Variants in KIF6 observed in about 807,000 individuals in gnomAD.
KIF6 encodes kinesin-like protein KIF6.
A neutral mutation model predicts 112.7 loss-of-function variants in KIF6; 106 were observed. The ratio of observed to expected loss-of-function variants is 0.94; its 90% CI spans 0.80 to 1.11. KIF6 has a LOEUF of 1.11. Among genes scored for constraint, KIF6 ranks in the 50% least tolerant of loss-of-function variants. The probability of loss-of-function intolerance (pLI) is 0.00; values close to 1 mark genes in which losing one functional copy is unlikely to be tolerated. For synonymous variants in KIF6, 339 were observed against 339.9 expected, an observed-to-expected ratio of 1.00 and a Z score of 0.03; for missense variants, 929 against 964.0, an observed-to-expected ratio of 0.96 and a Z score of 0.48.
chr6:39,574,720 T>A (rs59271414), intron 10 of KIF6, among the ~76,000 whole-genome samples: 1 of 152,314 alleles, frequency 6.6e-6, no homozygotes, highest in African/African-American at 2.4e-5. Flanking sequence ...ATATTATTTC[T>A]TAACTATTGG....
At chr6:39,651,433 G>T (rs193220330) in intron 3 of KIF6, among the ~76,000 whole-genome samples, 1 of 152,168 alleles carries the variant, frequency 6.6e-6, no homozygotes, top group Non-Finnish European at 1.5e-5. Context: ...GGTGGCTGCC[G>T]TCAGTGTGGT....
In KIF6 at chr6:39,586,408, T is replaced by C; in HGVS notation, c.847-4A>G. The C allele has an allele frequency of 2.5e-6, 4 of 1,613,308 alleles. No individual in the cohort carries two copies. The highest frequency in any genetic ancestry group is 1.1e-5 in the South Asian group (1 of 90,958). ...TTTCTGAAAGGGCAATGATAACCTG[T>C]GGTAAAGTAGAAAGATAATGGGATT... is the stretch of plus-strand genomic sequence containing the variant. On this transcript the variant is annotated splice_polypyrimidine_tract_variant and splice_region_variant and intron_variant, in intron 7 of 22. Transcript: ENST00000287152.
intron 3 of KIF6, among the ~76,000 whole-genome samples, chr6:39,701,699 T>C (rs532647005): frequency 6.6e-6 from 1 of 152,330 alleles, no homozygotes; most frequent in Admixed American, 6.5e-5. Flanking sequence ...AGGAGCTGGC[T>C]TTTTCTCTGA....
rs115746861 is a variant in KIF6 at position 39,342,336 on chromosome 6, C to T, written c.2428+1373G>A. Among the ~76,000 whole-genome samples the T allele has an allele frequency of 7.4e-3, 1,121 of 152,310 alleles. 12 individuals are homozygous for T. Among genetic ancestry groups the T allele is most frequent in the African/African-American group, 0.026 (1,081 of 41,562 alleles). On this transcript the variant is annotated intron_variant, in intron 22 of 22. Transcript: ENST00000287152. This position sits in a 1 kb window ranked among gnomAD's most constrained non-coding sequence, Gnocchi z 4.7. ...TAGCTATTTCATAGCACTTATTATC[C>T]CCTCAAACAATCTTACGTATTTGTC...
rs1763769865 is a variant in KIF6, at chr6:39,346,132, C to CCTCTCTCTCTCCCTTTCTCTCT, written c.2231+343_2232-343insAGAGAGAAAGGGAGAGAGAGAG. 7.8e-4 allele frequency among the ~76,000 whole-genome samples: 21 copies of CCTCTCTCTCTCCCTTTCTCTCT among 26,932 alleles called. 2 individuals carry two copies. Among genetic ancestry groups the CCTCTCTCTCTCCCTTTCTCTCT allele is most frequent in the African/African-American group, 3.1e-3 (21 of 6,756 alleles). The allele number at this position is 26,932 out of a possible 152,430, so 17.7% of individuals were successfully genotyped here. A position where few individuals can be genotyped will look rare whatever the true frequency, so the allele number is the denominator to read the frequency against. ...CTCCCTCTCCCTCTCCCTCCCTCTCCCTCTCTCTCTCTCTCTCTCTCTCTC... is the reference window on the plus strand; with the variant it reads ...CTCCCTCTCCCTCTCCCTCCCTCTCCCTCTCTCTCTCCCTTTCTCTCTCTCTCTCTCTCTCTCTCTCTCTCTC... On this transcript the variant is annotated intron_variant, in intron 20 of 22. Coordinates refer to ENST00000287152, the MANE Select transcript of KIF6 (RefSeq NM_145027.6).
intron 15 of KIF6, among the ~76,000 whole-genome samples, chr6:39,395,079 G>A (rs1243997622): frequency 6.6e-6 from 1 of 152,072 alleles, no homozygotes; most frequent in Non-Finnish European, 1.5e-5. Context: ...CACATTTTGG[G>A]GAATGCTCTC....
chr6:39,714,709 G>T lies in KIF6; in HGVS notation c.234C>A (p.Ala78=). 1 of 1,613,612 alleles carries T rather than the reference G, an allele frequency of 6.2e-7. No individual in the cohort carries two copies. The highest frequency in any genetic ancestry group is 8.5e-7 in the Non-Finnish European group (1 of 1,179,632). Residue 78 remains alanine, a synonymous_variant, in exon 3 of 23, where the codon GCC becomes GCA. Coordinates refer to ENST00000287152, the MANE Select transcript of KIF6 (RefSeq NM_145027.6). ...ANQETVFENI[A]KPVAGSVLAG... ...AATCCTACCTCCCAGCAACTGGTTT[G>T]GCAATGTTTTCAAAAACGGTCTCTT... is the stretch of plus-strand genomic sequence containing the variant.
At chr6:39,437,961 CT>C (rs1562216809) in intron 13 of KIF6, among the ~76,000 whole-genome samples, 2 of 151,666 alleles carry the variant, frequency 1.3e-5, no homozygotes, top group African/African-American at 4.9e-5. Context: ...ATTTACTATA[CT>C]TTATTTATTT....
intron 19 of KIF6, among the ~76,000 whole-genome samples, chr6:39,351,198 T>TG (rs1377733557): frequency 6.6e-6 from 1 of 151,450 alleles, no homozygotes; most frequent in East Asian, 1.9e-4. Context: ...TTTTTTTTTT[T>TG]TTTTGCAAGC....
chr6:39,648,044 G>A (rs1417916617), intron 3 of KIF6, among the ~76,000 whole-genome samples: 1 of 138,940 alleles, frequency 7.2e-6, no homozygotes, highest in Non-Finnish European at 1.5e-5. Flanking sequence ...TTTTTTTTGA[G>A]ACAGAGTCTT....
At chr6:39,634,725 G>C (rs1008520446) in intron 5 of KIF6, 124 bp downstream of exon 5, 11 of 698,400 alleles carry the variant, frequency 1.6e-5, no homozygotes, top group Non-Finnish European at 2.8e-5. Flanking sequence ...ATTACAAAAA[G>C]ATACGGTTAT....
rs182399715 is a variant in KIF6, at chr6:39,374,566, G to A, written c.1861+11056C>T. ...AACCCTATTAAAAAAATGGGCAAAG[G>A]ACCTGAACGGAGATTTCTCTAATGA... On this transcript the variant is annotated intron_variant, in intron 16 of 22. Coordinates refer to ENST00000287152, the MANE Select transcript of KIF6 (RefSeq NM_145027.6). Among the ~76,000 whole-genome samples the A allele has an allele frequency of 1.5e-4, 23 of 152,184 alleles. No homozygotes were observed. The East Asian group carries it at 4.4e-3, about 29-fold the overall frequency.
chr6:39,595,552 G>C (rs1782204367), intron 7 of KIF6, among the ~76,000 whole-genome samples: 1 of 152,176 alleles, frequency 6.6e-6, no homozygotes, highest in Admixed American at 6.5e-5. Context: ...TAGAAACAAT[G>C]CAAATACCCA....
At chr6:39,565,280 T>G (rs911216468) in intron 10 of KIF6, among the ~76,000 whole-genome samples, 3 of 152,224 alleles carry the variant, frequency 2.0e-5, no homozygotes, top group African/African-American at 7.2e-5. Flanking sequence ...CTTGCCTTAA[T>G]TTTAATTTTT....
At chr6:39,448,373 C>T (rs1161493115) in intron 13 of KIF6, among the ~76,000 whole-genome samples, 3 of 152,200 alleles carry the variant, frequency 2.0e-5, no homozygotes, top group South Asian at 2.1e-4. Flanking sequence ...CAGGGTTTCA[C>T]GATGTTGGCC....
chr6:39,701,336 C>A (rs1026523948), intron 3 of KIF6, among the ~76,000 whole-genome samples: 8 of 152,204 alleles, frequency 5.3e-5, no homozygotes, highest in Non-Finnish European at 8.8e-5. Context: ...ACAGCTGCTA[C>A]CACCAATCTG....
chr6:39,539,564 T>G (rs180819496), intron 13 of KIF6, among the ~76,000 whole-genome samples: 56 of 152,254 alleles, frequency 3.7e-4, no homozygotes, highest in African/African-American at 1.3e-3. Context: ...AGGCTGGTCT[T>G]GAACTCCTGA....
chr6:39,406,885 A>C (rs377218304), intron 15 of KIF6, among the ~76,000 whole-genome samples: 2 of 152,148 alleles, frequency 1.3e-5, no homozygotes, highest in Non-Finnish European at 2.9e-5. Context: ...AGTAGCTGGG[A>C]CTATAGGCAT....
chr6:39,435,729 A>C (rs1358630481), intron 13 of KIF6, among the ~76,000 whole-genome samples: 1 of 152,196 alleles, frequency 6.6e-6, no homozygotes, highest in East Asian at 1.9e-4. Context: ...GCTGAGCAGT[A>C]ATCCACACCA....
Sources: allele counts gnomAD v4.1 joint callset (sites outside exome capture counted in the v4.1 genomes callset), GRCh38; gene constraint gnomAD v4.1.1; non-coding constraint Gnocchi (gnomAD v3.1); transcripts MANE v1.5; gene names NCBI Gene and HGNC (gene_info 2026-07-23, HGNC 2026-07-21).